INO80D: variants seen among roughly 807,000 people sequenced by gnomAD.
INO80D encodes INO80 complex subunit D.
Under a neutral mutation model 87.6 loss-of-function variants are expected in INO80D, and 21 were observed. The observed-to-expected ratio is 0.24, with a 90% confidence interval of 0.17 to 0.35. The LOEUF (loss-of-function observed/expected upper bound fraction) is 0.35. Ranked by LOEUF, INO80D falls within the 10% of genes least tolerant of loss-of-function variation. The pLI, the probability that INO80D is intolerant of heterozygous loss-of-function variation, is 1.00. For synonymous variants in INO80D, 440 were observed against 491.0 expected (o/e 0.90, Z 1.37); for missense variants, 982 against 1,280.7 (o/e 0.77, Z 3.56).
chr2:206,002,800 T>C lies in INO80D; in HGVS notation c.*1568A>G, dbSNP rs187982026. On this transcript the variant is annotated 3_prime_UTR_variant, in exon 11 of 11. Transcript: ENST00000403263. The stretch of plus-strand genomic sequence containing the variant: ...CAAATGAATTATTGAACCACATCAA[T>C]AGGTATGTTCTCTCAACTTTTAAAA... 110 of 152,298 alleles carry C rather than the reference T, an allele frequency of 7.2e-4. No homozygotes were observed. Among genetic ancestry groups the C allele is most frequent in the African/African-American group, 2.4e-3 (101 of 41,558 alleles). The allele number at this position is 152,298 out of a possible 1,614,324, so 9.4% of individuals were successfully genotyped here. A position where few individuals can be genotyped will look rare whatever the true frequency, so the allele number is the denominator to read the frequency against.
In INO80D at chr2:206,056,695, T is replaced by A. The variant is rs1689533371; in HGVS notation, c.467A>T (p.Glu156Val). 6.2e-7 allele frequency: 1 copy of A among 1,613,520 alleles called. No individual in the cohort carries two copies. The highest frequency in any genetic ancestry group is 1.3e-5 in the African/African-American group (1 of 74,908). ...ELEDPFAFNE[E>V]DDDLKKGATV... ...TGCCCCTTTCTTTAGGTCATCATCT[T>A]CCTCATTGAAAGCAAATGGGTCTTC... is the stretch of plus-strand genomic sequence containing the variant. Residue 156 changes from glutamate to valine, a missense_variant, in exon 4 of 11, where the codon GAA becomes GTA. By Grantham distance (121) the Glu-to-Val change is moderately radical. Coordinates refer to ENST00000403263, the MANE Select transcript of INO80D (RefSeq NM_017759.5).
In INO80D at chr2:205,996,267, C is replaced by A; in HGVS notation, c.*8101G>T. The A allele has an allele frequency of 6.7e-6, 1 of 149,418 alleles. No individual in the cohort carries two copies. The highest frequency in any genetic ancestry group is 1.5e-5 in the Non-Finnish European group (1 of 67,580). 9.3% of individuals were successfully genotyped at this position (149,418 alleles called of 1,614,324 possible). ...AGAAGTTGATGAAATATGCTTAAGC[C>A]AGATGCTTCTGGCTAGAAGAGACAG... On this transcript the variant is annotated 3_prime_UTR_variant, in exon 11 of 11. Transcript: ENST00000403263.
chr2:206,073,112 C>T (rs950372784), intron 1 of INO80D, among the ~76,000 whole-genome samples: 1 of 152,178 alleles, frequency 6.6e-6, no homozygotes, highest in Non-Finnish European at 1.5e-5. Context: ...GCTGGGATTA[C>T]AGGCGTGAGC....
rs143392413 is a variant in INO80D, at chr2:205,998,450, CAAAAAAAAAA to C, written c.*5908_*5917del. The C allele has an allele frequency of 1.2e-5, 1 of 82,482 alleles. No individual in the cohort carries two copies. Among genetic ancestry groups the C allele is most frequent in the African/African-American group, 5.1e-5 (1 of 19,704 alleles). 5.1% of individuals were successfully genotyped at this position (82,482 alleles called of 1,614,324 possible). The stretch of plus-strand genomic sequence containing the variant: ...AAGGTGCTTCACTAGTTTGTTTTGT[CAAAAAAAAAA>C]AAAAAAAAAAAAGCTCATATATATT... On this transcript the variant is annotated 3_prime_UTR_variant, in exon 11 of 11. Coordinates refer to ENST00000403263, the MANE Select transcript of INO80D (RefSeq NM_017759.5).
chr2:206,072,567 C>G (rs1018550868), intron 1 of INO80D, among the ~76,000 whole-genome samples: 1 of 151,988 alleles, frequency 6.6e-6, no homozygotes, highest in East Asian at 1.9e-4. Flanking sequence ...CATGAGCCAC[C>G]GCGCCTGCCG....
rs1369289554 is a variant in INO80D, at chr2:206,001,435, C to G, written c.*2933G>C. 1 of 152,142 alleles carries G rather than the reference C, an allele frequency of 6.6e-6. No individual in the cohort carries two copies. The highest frequency in any genetic ancestry group is 2.4e-5 in the African/African-American group (1 of 41,422). 9.4% of individuals were successfully genotyped at this position (152,142 alleles called of 1,614,324 possible). ...TCTTTGCCACTATTTCTCCTGGGTT[C>G]AACACTAGAATAAAAGCTAGTTTCT... On this transcript the variant is annotated 3_prime_UTR_variant, in exon 11 of 11. Transcript: ENST00000403263.
Position 206,063,230 on chromosome 2 carries a change from G to C in INO80D, c.-109C>G, listed in dbSNP as rs1689732086. On this transcript the variant is annotated 5_prime_UTR_variant, in exon 2 of 11. In the 5' UTR this introduces an upstream ATG that the reference lacks. Transcript: ENST00000403263. ...ACAGTTTGGAATGCCGCAGAATCAG[G>C]ATGAAGCAGATTGTCTATAAAAATA... is the stretch of plus-strand genomic sequence containing the variant. The C allele has an allele frequency of 3.6e-6, 2 of 561,522 alleles. No homozygotes were observed. The highest frequency in any genetic ancestry group is 6.1e-6 in the Non-Finnish European group (2 of 325,204). The allele number at this position is 561,522 out of a possible 1,614,324, so 34.8% of individuals were successfully genotyped here.
At chr2:206,080,858 G>C (rs544480842) in intron 1 of INO80D, among the ~76,000 whole-genome samples, 2,754 of 135,438 alleles carry the variant, frequency 0.02, 43 homozygotes, top group Non-Finnish European at 0.03. Flanking sequence ...AGCTGAGATC[G>C]TGCCACTGCA....
chr2:206,061,240 A>C (rs914681104), intron 3 of INO80D, among the ~76,000 whole-genome samples: 7 of 151,736 alleles, frequency 4.6e-5, no homozygotes, highest in Non-Finnish European at 1.0e-4. Flanking sequence ...TTGAACTCCT[A>C]GGCTCAAGCG....
chr2:206,033,970 T>C (rs1000793215), intron 5 of INO80D, among the ~76,000 whole-genome samples: 3 of 152,124 alleles, frequency 2.0e-5, no homozygotes, highest in South Asian at 2.1e-4. Context: ...AACACCTTTA[T>C]GTACATAAAC....
intron 4 of INO80D, among the ~76,000 whole-genome samples, chr2:206,052,285 C>G: frequency 6.6e-6 from 1 of 152,062 alleles, no homozygotes; most frequent in Non-Finnish European, 1.5e-5. Context: ...CTTCCCGGGT[C>G]CCAGTTCAAG....
intron 1 of INO80D, among the ~76,000 whole-genome samples, chr2:206,074,423 G>A (rs1176868250): frequency 6.6e-6 from 1 of 152,130 alleles, no homozygotes; most frequent in African/African-American, 2.4e-5. Flanking sequence ...AGACCAACCT[G>A]GCCAACATGT....
chr2:206,057,131 G>A (rs563546165), intron 3 of INO80D, among the ~76,000 whole-genome samples, 188 bp from the exon 4 acceptor site: 16 of 152,224 alleles, frequency 1.1e-4, no homozygotes, highest in African/African-American at 3.9e-4. Flanking sequence ...TTTTGATGAG[G>A]CAAATATGTG....
rs966489401 is a variant in INO80D at position 205,995,190 on chromosome 2, A to T, written c.*9178T>A. The T allele has an allele frequency of 6.6e-6, 1 of 152,210 alleles. No homozygotes were observed. Among genetic ancestry groups the T allele is most frequent in the African/African-American group, 2.4e-5 (1 of 41,458 alleles). 9.4% of individuals were successfully genotyped at this position (152,210 alleles called of 1,614,324 possible). On this transcript the variant is annotated 3_prime_UTR_variant, in exon 11 of 11. Coordinates refer to ENST00000403263, the MANE Select transcript of INO80D (RefSeq NM_017759.5). ...GGATTGCTTTATAAGTGAAATAAAC[A>T]GTCTGGTCTGTGGAACATCTCCACT...
At chr2:206,042,406 A>G (rs1689072654) in intron 5 of INO80D, among the ~76,000 whole-genome samples, 1 of 151,920 alleles carries the variant, frequency 6.6e-6, no homozygotes, top group African/African-American at 2.4e-5. Context: ...AAGCAATATT[A>G]AAAGGTGGCT....
rs115840140 is a variant in INO80D at position 206,045,602 on chromosome 2, C to T, written c.1073+902G>A. Reference sequence around the variant, plus strand: ...TCAACTTCTACAGATCTTAGACAAACACTTCTTTTCCGAAGACATAACATG... The same window carrying T: ...TCAACTTCTACAGATCTTAGACAAATACTTCTTTTCCGAAGACATAACATG... On this transcript the variant is annotated intron_variant, in intron 5 of 10. Transcript: ENST00000403263. Among the ~76,000 whole-genome samples the T allele has an allele frequency of 5.1e-3, 773 of 152,096 alleles. 7 individuals are homozygous for T. Among genetic ancestry groups the T allele is most frequent in the African/African-American group, 0.018 (740 of 41,484 alleles).
At chr2:206,038,868 G>A (rs1007538806) in intron 5 of INO80D, among the ~76,000 whole-genome samples, 2 of 151,996 alleles carry the variant, frequency 1.3e-5, no homozygotes, top group African/African-American at 2.4e-5. Flanking sequence ...AAAGAGAGGA[G>A]GTAGGCTGAT....
intron 5 of INO80D, among the ~76,000 whole-genome samples, chr2:206,042,080 C>T (rs1689065394): frequency 6.6e-6 from 1 of 151,986 alleles, no homozygotes; most frequent in Admixed American, 6.6e-5. Flanking sequence ...GCAGTTGAGC[C>T]GTAATCATGC....
intron 1 of INO80D, among the ~76,000 whole-genome samples, chr2:206,076,929 T>G (rs1178368277): frequency 6.6e-6 from 1 of 152,170 alleles, no homozygotes; most frequent in African/African-American, 2.4e-5. Flanking sequence ...GATAATTAAA[T>G]TAGGTATTTC....
Sources: gnomAD v4.1 joint callset for allele counts (sites outside exome capture counted in the v4.1 genomes callset) on GRCh38, gnomAD v4.1.1 for gene constraint, MANE v1.5 for transcripts, NCBI Gene and HGNC (gene_info 2026-07-23, HGNC 2026-07-21) for gene names.